SNX10: variants seen among roughly 807,000 people sequenced by gnomAD.
SNX10 encodes sorting nexin 10.
In SNX10, 25 loss-of-function variants were observed where a neutral mutation model predicts 28.5. The observed-to-expected ratio is 0.88, with a 90% CI of 0.64 to 1.22. SNX10 has a LOEUF of 1.22. Ranked by LOEUF, SNX10 falls within the 50% of genes most tolerant of loss-of-function variation. The pLI is 0.00. For synonymous variants in SNX10, 62 were observed against 81.4 expected, an observed-to-expected ratio of 0.76 and a Z score of 1.28; for missense variants, 223 against 242.6, an observed-to-expected ratio of 0.92 and a Z score of 0.54.
intron 1 of SNX10, among the ~76,000 whole-genome samples, chr7:26,344,225 G>T (rs1788292805): frequency 6.9e-6 from 1 of 144,572 alleles, no homozygotes; most frequent in East Asian, 2.1e-4. Context: ...AAGCTGGAGT[G>T]CAGTAGCACA....
chr7:26,307,680 CTT>C (rs34096499), intron 1 of SNX10, among the ~76,000 whole-genome samples: 22 of 144,104 alleles, frequency 1.5e-4, no homozygotes, highest in African/African-American at 4.0e-4. Flanking sequence ...GGCTAGCATT[CTT>C]TTTTTTTTTT....
Position 26,336,667 on chromosome 7 carries a change from C to T in SNX10, c.-23-9753C>T, listed in dbSNP as rs569948021. On this transcript the variant is annotated intron_variant, in intron 1 of 6. Coordinates refer to ENST00000338523, the MANE Select transcript of SNX10 (RefSeq NM_013322.3). ...TTGCAGTGAGCTGAGATTGTGCCAC[C>T]GCACTCCAGCCTGGGTGACAGAGCG... Among the ~76,000 whole-genome samples the T allele has an allele frequency of 2.5e-3, 377 of 152,204 alleles. 2 individuals are homozygous for T. The highest frequency in any genetic ancestry group is 0.012 in the South Asian group (59 of 4,824).
rs539542147 is a variant in SNX10, at chr7:26,310,705, A to C, written c.-24+18619A>C. 1.2e-3 allele frequency among the ~76,000 whole-genome samples: 175 copies of C among 149,396 alleles called. 1 individual carries two copies. The highest frequency in any genetic ancestry group is 6.8e-3 in the Middle Eastern group (2 of 292). ...ACAATTTTTTTTTTTTTTTTGAGAC[A>C]GAGTCTCGCTCTGTCTCCCAGGCTG... is the stretch of plus-strand genomic sequence containing the variant. On this transcript the variant is annotated intron_variant, in intron 1 of 6. Transcript: ENST00000338523.
intron 2 of SNX10, chr7:26,360,708 T>C (rs924001794): frequency 1.7e-6 from 1 of 574,946 alleles, no homozygotes; most frequent in Non-Finnish European, 2.6e-6. Context: ...GTATACTTTG[T>C]CTTCAGATAA....
chr7:26,360,750 C>T, intron 2 of SNX10: 1 of 1,146,822 alleles, frequency 8.7e-7, no homozygotes, highest in Non-Finnish European at 1.1e-6. Flanking sequence ...GCTCCCACCT[C>T]AGTGTTGCAT....
chr7:26,313,152 A>T (rs768364196), intron 1 of SNX10, among the ~76,000 whole-genome samples: 4 of 152,240 alleles, frequency 2.6e-5, no homozygotes, highest in Non-Finnish European at 4.4e-5. Context: ...AATAGTACAC[A>T]GCCACAAAAA....
intron 2 of SNX10, among the ~76,000 whole-genome samples, chr7:26,348,611 G>GAGTC (rs1788480952): frequency 6.6e-6 from 1 of 152,220 alleles, no homozygotes; most frequent in Admixed American, 6.5e-5. Flanking sequence ...GCAGTGTGCA[G>GAGTC]AGTCACTTGG....
At chr7:26,372,269 GATT>G in intron 6 of SNX10, 1 of 589,614 alleles carries the variant, frequency 1.7e-6, no homozygotes, top group Non-Finnish European at 3.0e-6. Context: ...TTTGCATTCT[GATT>G]ATGTGACTTT....
chr7:26,314,994 T>TCAAAACAAAA (rs57952868), intron 1 of SNX10, among the ~76,000 whole-genome samples: 149,963 of 151,670 alleles, frequency 0.99, 74,144 homozygotes, highest in East Asian at 1. Flanking sequence ...TGAGACTGTC[T>TCAAAACAAAA]CAAAACAAAA....
Position 26,364,002 on chromosome 7 carries a change from C to A in SNX10, c.112-533C>A, listed in dbSNP as rs1789191132. 6.6e-6 allele frequency among the ~76,000 whole-genome samples: 1 copy of A among 152,126 alleles called. No individual in the cohort carries two copies. Among genetic ancestry groups the A allele is most frequent in the Non-Finnish European group, 1.5e-5 (1 of 68,032 alleles). On this transcript the variant is annotated intron_variant, in intron 3 of 6. Transcript: ENST00000338523. This position sits in a 1 kb window ranked among gnomAD's most constrained non-coding sequence, Gnocchi z 4.9. ...TTCTCTGGCTCGGACGGACACGCTC[C>A]CTCTCACATACAGTAGAGAAGGGAA...
At chr7:26,349,741 G>T (rs1170287048) in intron 2 of SNX10, among the ~76,000 whole-genome samples, 1 of 152,218 alleles carries the variant, frequency 6.6e-6, no homozygotes, top group Non-Finnish European at 1.5e-5. Flanking sequence ...GACAGGAAGC[G>T]CATTTCAGAC....
rs543039426 is a variant in SNX10, at chr7:26,321,242, G to T, written c.-23-25178G>T. Among the ~76,000 whole-genome samples, 16 of 152,226 alleles carry T rather than the reference G, an allele frequency of 1.1e-4. No homozygotes were observed. In the South Asian group the frequency reaches 3.3e-3, roughly 32 times the overall value. On this transcript the variant is annotated intron_variant, in intron 1 of 6. Coordinates refer to ENST00000338523, the MANE Select transcript of SNX10 (RefSeq NM_013322.3). ...GGTGTGTAGGCAGAGTTATTTGATGGGGATGACAATTTCTGCCTATTTCAT... is the reference window on the plus strand; with the variant it reads ...GGTGTGTAGGCAGAGTTATTTGATGTGGATGACAATTTCTGCCTATTTCAT...
rs1381241208 is a variant in SNX10, at chr7:26,364,479, C to T, written c.112-56C>T. ...GAGATCATATTGTGAATTATAGATA[C>T]AAGAAATGCATTTTTTTCCTCAGGT... On this transcript the variant is annotated intron_variant, in intron 3 of 6. Coordinates refer to ENST00000338523, the MANE Select transcript of SNX10 (RefSeq NM_013322.3). This position sits in a 1 kb window ranked among gnomAD's most constrained non-coding sequence, Gnocchi z 4.9. 3 of 1,545,704 alleles carry T rather than the reference C, an allele frequency of 1.9e-6. No individual in the cohort carries two copies. Among genetic ancestry groups the T allele is most frequent in the African/African-American group, 1.4e-5 (1 of 72,680 alleles).
At chr7:26,352,364 T>C (rs939906173) in intron 2 of SNX10, among the ~76,000 whole-genome samples, 4 of 152,118 alleles carry the variant, frequency 2.6e-5, no homozygotes, top group Admixed American at 2.6e-4. Flanking sequence ...AAGGCTGCAT[T>C]GAGCGATCAT....
At chr7:26,353,042 G>A (rs1367008553) in intron 2 of SNX10, among the ~76,000 whole-genome samples, 1 of 151,888 alleles carries the variant, frequency 6.6e-6, no homozygotes, top group Non-Finnish European at 1.5e-5. Flanking sequence ...AAGGTAACTC[G>A]CTGATTTGGG....
intron 1 of SNX10, among the ~76,000 whole-genome samples, chr7:26,343,108 A>G (rs1167303799): frequency 6.6e-6 from 1 of 152,132 alleles, no homozygotes; most frequent in Non-Finnish European, 1.5e-5. Flanking sequence ...CCAGTTTCCT[A>G]CTTCATAGTT....
At chr7:26,356,967 T>C (rs1788847568) in intron 2 of SNX10, 1 of 671,850 alleles carries the variant, frequency 1.5e-6, no homozygotes, top group Non-Finnish European at 2.0e-6. Context: ...AAGTGAAGTT[T>C]GATTTTCCTT....
chr7:26,309,438 T>C (rs541483623), intron 1 of SNX10, among the ~76,000 whole-genome samples: 3 of 152,238 alleles, frequency 2.0e-5, no homozygotes, highest in South Asian at 2.1e-4. Flanking sequence ...TCAGTGATTA[T>C]GTACTGGACT....
At chr7:26,341,625 G>C (rs1406387416) in intron 1 of SNX10, among the ~76,000 whole-genome samples, 1 of 152,022 alleles carries the variant, frequency 6.6e-6, no homozygotes, top group East Asian at 1.9e-4. Flanking sequence ...CTCCCAAGTA[G>C]CTGTTTATGC....
Sources: allele counts gnomAD v4.1 joint callset (sites outside exome capture counted in the v4.1 genomes callset), GRCh38; gene constraint gnomAD v4.1.1; non-coding constraint Gnocchi (gnomAD v3.1); transcripts MANE v1.5; gene names NCBI Gene and HGNC (gene_info 2026-07-23, HGNC 2026-07-21).